MYCBP2: variants seen among roughly 807,000 people sequenced by gnomAD.
MYCBP2 encodes MYC binding protein 2.
In MYCBP2, 120 loss-of-function variants were observed where a neutral mutation model predicts 525.3. That is an observed-to-expected ratio of 0.23 (90% confidence interval 0.20 to 0.27). The LOEUF is 0.27. Ranked by LOEUF, MYCBP2 falls within the 10% of genes least tolerant of loss-of-function variation. The pLI is 1.00. For missense variants in MYCBP2, 4,149 were observed against 5,657.1 expected (o/e 0.73, Z 8.55); for synonymous variants, 1,894 against 1,955.8 (o/e 0.97, Z 0.83).
At chr13:77,149,380 G>A (rs1318533106) in intron 47 of MYCBP2, among the ~76,000 whole-genome samples, 1 of 151,586 alleles carries the variant, frequency 6.6e-6, no homozygotes, top group Non-Finnish European at 1.5e-5. Flanking sequence ...CTGGGTGCTT[G>A]GAAATCTTTT....
intron 3 of MYCBP2, among the ~76,000 whole-genome samples, chr13:77,281,937 T>C (rs1567146292): frequency 6.6e-6 from 1 of 152,226 alleles, no homozygotes; most frequent in Non-Finnish European, 1.5e-5. Flanking sequence ...ATCAAAATTA[T>C]ATTTACATAT....
intron 61 of MYCBP2, among the ~76,000 whole-genome samples, chr13:77,088,502 T>C (rs1171202317): frequency 6.6e-6 from 1 of 152,128 alleles, no homozygotes; most frequent in African/African-American, 2.4e-5. Flanking sequence ...CCCTACTCCT[T>C]ATCTTCTTTC....
intron 13 of MYCBP2, among the ~76,000 whole-genome samples, chr13:77,258,486 T>C (rs982320593): frequency 9.2e-5 from 14 of 152,174 alleles, no homozygotes. Context: ...TTTTCCAATA[T>C]ACATTAAAAT....
Position 77,098,869 on chromosome 13 carries a change from T to C in MYCBP2, c.8285A>G (p.Glu2762Gly). 6.2e-7 allele frequency: 1 copy of C among 1,613,688 alleles called. No individual in the cohort carries two copies. Among genetic ancestry groups the C allele is most frequent in the Non-Finnish European group, 8.5e-7 (1 of 1,179,754 alleles). Residue 2762 changes from glutamate to glycine, a missense_variant, in exon 56 of 83, where the codon GAA (glutamate) becomes GGA (glycine). Glu to Gly is a moderately conservative substitution (Grantham distance 98). This residue lies in a region of MYCBP2 where 653 missense variants were observed against 744.7 expected (regional missense o/e 0.88). Transcript: ENST00000544440. ...TADQKKPRGTESLSASESLIL... is the reference protein window; with the variant it reads ...TADQKKPRGTGSLSASESLIL... ...GAGGGATTCACTAGCAGATAAACTT[T>C]CTGTGCCCCTTGGCTTCTTCTGATC... is the stretch of plus-strand genomic sequence containing the variant.
chr13:77,062,427 T>G (rs985967927), intron 74 of MYCBP2, among the ~76,000 whole-genome samples, 169 bp downstream of exon 74: 1 of 152,250 alleles, frequency 6.6e-6, no homozygotes, highest in Non-Finnish European at 1.5e-5. Flanking sequence ...AAGTAGGGAC[T>G]CTCTGAAATA....
At chr13:77,264,317 C>G (rs1041578098) in intron 8 of MYCBP2, among the ~76,000 whole-genome samples, 1 of 151,824 alleles carries the variant, frequency 6.6e-6, no homozygotes, top group African/African-American at 2.4e-5. Flanking sequence ...ATGTTGGTTA[C>G]AATCATTTCA....
Position 77,181,881 on chromosome 13 carries a change from G to A in MYCBP2, c.4761C>T (p.Leu1587=), listed in dbSNP as rs1015677531. The A allele has an allele frequency of 5.6e-6, 9 of 1,613,810 alleles. No homozygotes were observed. Among genetic ancestry groups the A allele is most frequent in the South Asian group, 1.1e-5 (1 of 91,084 alleles). ...EANFKTSSSR[L]LAAVMSALCH... ...ACAGAGCTGACATAACAGCTGCAAG[G>A]AGTCGGCTACTTGATGTCTTGAAGT... is the stretch of plus-strand genomic sequence containing the variant. Residue 1587 remains leucine (L), a synonymous_variant, in exon 33 of 83, where the codon CTC becomes CTT. Coordinates refer to ENST00000544440, the MANE Select transcript of MYCBP2 (RefSeq NM_015057.5).
In MYCBP2 at chr13:77,206,821, G is replaced by A. The variant is rs1164157380; in HGVS notation, c.3421C>T (p.Arg1141Ter). 3 of 1,584,914 alleles carry A rather than the reference G, an allele frequency of 1.9e-6. No homozygotes were observed. The highest frequency in any genetic ancestry group is 8.6e-7 in the Non-Finnish European group (1 of 1,167,154). The change falls in exon 24 of 83, where the codon CGA (arginine) becomes TGA (stop). Residue 1141 changes from arginine to a stop codon, truncating the protein, a stop_gained. Coordinates refer to ENST00000544440, the MANE Select transcript of MYCBP2 (RefSeq NM_015057.5). LOFTEE classifies it high-confidence loss of function. ...DPVYDVIWRF[R>*]PNTRELWCYN... The stretch of plus-strand genomic sequence containing the variant: ...CACCACAGCTCTCTAGTATTTGGTC[G>A]AAACCTTTAAAGAAAAAGAATAATT...
In MYCBP2 at chr13:77,156,154, G is replaced by A. The variant is rs575702531; in HGVS notation, c.6819C>T (p.Ile2273=). The A allele has an allele frequency of 2.5e-6, 4 of 1,613,956 alleles. No individual in the cohort carries two copies. The Admixed American group carries it at 5.0e-5, about 20-fold the overall frequency. The change falls in exon 46 of 83, where the codon ATC becomes ATT. Residue 2273 remains isoleucine, a synonymous_variant. Transcript: ENST00000544440. ...CACAACGAATATCATCCTTATTCAG[G>A]ATCAAAGATGTTTTCTGAGGATCCG... ...SYADPQKTSL[I]LNKDDIRCGW...
chr13:77,298,005 T>C (rs1193815011), intron 1 of MYCBP2, among the ~76,000 whole-genome samples: 1 of 152,182 alleles, frequency 6.6e-6, no homozygotes, highest in Non-Finnish European at 1.5e-5. Context: ...GAGTGGATAA[T>C]TCCCCAGCTT....
chr13:77,177,971 C>A lies in MYCBP2; in HGVS notation c.5134-17G>T, dbSNP rs2059864445. 3.4e-6 allele frequency: 5 copies of A among 1,479,184 alleles called. No homozygotes were observed. Among genetic ancestry groups the A allele is most frequent in the South Asian group, 1.1e-5 (1 of 88,390 alleles). 91.6% of individuals were successfully genotyped at this position (1,479,184 alleles called of 1,614,324 possible). On this transcript the variant is annotated splice_polypyrimidine_tract_variant and intron_variant, in intron 34 of 82. Transcript: ENST00000544440. ...TCCATCAACCTGTGAACAATAAAAG[C>A]AATTGTATCAGTAGTTGGTATACCT...
At chr13:77,122,689 CAA>C (rs771487864) in intron 54 of MYCBP2, among the ~76,000 whole-genome samples, 16 of 52,374 alleles carry the variant, frequency 3.1e-4, no homozygotes, top group Admixed American at 6.4e-4. Flanking sequence ...GACTCCATCT[CAA>C]AAAAAAAAAA....
chr13:77,212,306 A>G (rs1566941010), intron 21 of MYCBP2, 146 bp from the exon 22 acceptor site: 1 of 591,692 alleles, frequency 1.7e-6, no homozygotes, highest in Non-Finnish European at 2.8e-6. Flanking sequence ...TAAATACAAT[A>G]TGTAAGAATT....
At chr13:77,113,373 A>G (rs1159384028) in intron 55 of MYCBP2, among the ~76,000 whole-genome samples, 1 of 152,074 alleles carries the variant, frequency 6.6e-6, no homozygotes, top group African/African-American at 2.4e-5. Flanking sequence ...TGTATCTCTT[A>G]AAATATTCTA....
intron 34 of MYCBP2, among the ~76,000 whole-genome samples, chr13:77,178,457 T>C (rs1406490048): frequency 3.3e-5 from 5 of 152,336 alleles, no homozygotes; most frequent in Admixed American, 2.0e-4. Context: ...TTGAAGAAAA[T>C]GGTCTATACC....
intron 44 of MYCBP2, among the ~76,000 whole-genome samples, chr13:77,160,371 T>C (rs1425626313): frequency 6.6e-6 from 1 of 152,190 alleles, no homozygotes; most frequent in Non-Finnish European, 1.5e-5. Flanking sequence ...TTTTAATTCA[T>C]TGGGTTGCTG....
At chr13:77,240,083 A>T (rs1445630407) in intron 17 of MYCBP2, among the ~76,000 whole-genome samples, 1 of 152,170 alleles carries the variant, frequency 6.6e-6, no homozygotes, top group Non-Finnish European at 1.5e-5. Context: ...TAAGTATATC[A>T]TATTCATCTA....
chr13:77,308,619 A>G (rs1332977637), intron 1 of MYCBP2, among the ~76,000 whole-genome samples: 1 of 152,242 alleles, frequency 6.6e-6, no homozygotes, highest in Non-Finnish European at 1.5e-5. Flanking sequence ...TCAAATGTCT[A>G]CCTTGGTTTG....
chr13:77,263,181 A>T (rs1011111229), intron 10 of MYCBP2, among the ~76,000 whole-genome samples: 2 of 152,060 alleles, frequency 1.3e-5, no homozygotes, highest in Non-Finnish European at 2.9e-5. Context: ...GCCAATTACC[A>T]TTTTGACAAT....
Sources: allele counts gnomAD v4.1 joint callset (sites outside exome capture counted in the v4.1 genomes callset), GRCh38; gene constraint gnomAD v4.1.1; regional missense constraint gnomAD v4.1.1; transcripts MANE v1.5; gene names NCBI Gene and HGNC (gene_info 2026-07-23, HGNC 2026-07-21).